The following DAAM2 variants were observed in gnomAD, a reference collection of about 807,000 sequenced individuals.
The protein encoded by DAAM2 is disheveled-associated activator of morphogenesis 2.
Under a neutral mutation model 120.7 loss-of-function variants are expected in DAAM2, and 39 were observed. The observed-to-expected ratio is 0.32, with a 90% confidence interval of 0.25 to 0.42. The LOEUF (loss-of-function observed/expected upper bound fraction) is 0.42. Among genes scored for constraint, DAAM2 ranks in the 10% least tolerant of loss-of-function variants. The probability of loss-of-function intolerance (pLI) is 1.00; values close to 1 mark genes in which losing one functional copy is unlikely to be tolerated. For missense variants in DAAM2, 1,283 were observed against 1,401.7 expected (o/e 0.92, Z 1.35); for synonymous variants, 488 against 524.9 (o/e 0.93, Z 0.96).
chr6:39,794,826 T>C (rs1484325921), intron 1 of DAAM2, among the ~76,000 whole-genome samples: 1 of 152,214 alleles, frequency 6.6e-6, no homozygotes, highest in Non-Finnish European at 1.5e-5. Context: ...CTAGAGCCAA[T>C]GGAAGTAACA....
chr6:39,834,453 C>G (rs1763029268), intron 1 of DAAM2, among the ~76,000 whole-genome samples: 1 of 152,152 alleles, frequency 6.6e-6, no homozygotes, highest in Admixed American at 6.5e-5. Context: ...GCAGTAGCTC[C>G]TGTTCGCCGA....
intron 5 of DAAM2, among the ~76,000 whole-genome samples, chr6:39,866,932 T>C (rs1764455953): frequency 6.6e-6 from 1 of 152,260 alleles, no homozygotes; most frequent in Non-Finnish European, 1.5e-5. Context: ...AATGTAATTT[T>C]CTTTTCCCAC....
In DAAM2 at chr6:39,887,639, G is replaced by T. The variant is rs370569328; in HGVS notation, c.2060+47G>T. 4.8e-5 allele frequency: 66 copies of T among 1,374,962 alleles called. No homozygotes were observed. In the East Asian group the frequency reaches 5.2e-4, roughly 11 times the overall value. The allele number at this position is 1,374,962 out of a possible 1,614,324, so 85.2% of individuals were successfully genotyped here. A position where few individuals can be genotyped will look rare whatever the true frequency, so the allele number is the denominator to read the frequency against. ...TGAGTTGGATGCCTGGGGGACAAAG[G>T]GGGTGGAGGAACGGAGTGGTGGCAG... On this transcript the variant is annotated intron_variant, in intron 16 of 24. Coordinates refer to ENST00000274867, the MANE Select transcript of DAAM2 (RefSeq NM_001201427.2).
chr6:39,866,544 T>C (rs1350834324), intron 5 of DAAM2, among the ~76,000 whole-genome samples: 1 of 152,222 alleles, frequency 6.6e-6, no homozygotes, highest in African/African-American at 2.4e-5. Context: ...GGGCATGCCA[T>C]GGACATCCGG....
rs751116202 is a variant in DAAM2 at position 39,867,715 on chromosome 6, A to G, written c.634A>G (p.Asn212Asp). The change falls in exon 6 of 25, where the codon AAC becomes GAC. Residue 212 changes from asparagine to aspartate, a missense_variant. Asn to Asp is a conservative substitution (Grantham distance 23). Around this residue, in one of 3 missense-constraint regions of DAAM2, gnomAD observed 338 missense variants for 443.9 expected, o/e 0.76. Transcript: ENST00000274867. ...CATAGCCCAGAGCCTACGCACAGAGAACAGCAAGACCAAGGTGGCTGTGCT... is the reference window on the plus strand; with the variant it reads ...CATAGCCCAGAGCCTACGCACAGAGGACAGCAAGACCAAGGTGGCTGTGCT... The part of the protein sequence containing the change: ...STIAQSLRTE[N>D]SKTKVAVLEI... 1 of 1,614,048 alleles carries G rather than the reference A, an allele frequency of 6.2e-7. No homozygotes were observed. Among genetic ancestry groups the G allele is most frequent in the South Asian group, 1.1e-5 (1 of 91,080 alleles).
chr6:39,878,003 C>T lies in DAAM2; in HGVS notation c.1302-200C>T, dbSNP rs1411409791. 2.6e-5 allele frequency among the ~76,000 whole-genome samples: 4 copies of T among 152,198 alleles called. No homozygotes were observed. The highest frequency in any genetic ancestry group is 2.1e-4 in the South Asian group (1 of 4,826). ...GGGTATCTAAAGGTCTTTTCTCTCA[C>T]GGTCTCCACAGACACATAATGTGAA... On this transcript the variant is annotated intron_variant, in intron 11 of 24. Coordinates refer to ENST00000274867, the MANE Select transcript of DAAM2 (RefSeq NM_001201427.2). This position sits in a 1 kb window ranked among gnomAD's most constrained non-coding sequence, Gnocchi z 5.0.
At chr6:39,838,394 C>T (rs149815934) in intron 1 of DAAM2, among the ~76,000 whole-genome samples, 52 of 152,298 alleles carry the variant, frequency 3.4e-4, no homozygotes, top group Admixed American at 9.2e-4. Flanking sequence ...GATGCTGATG[C>T]TGCTGGCCCA....
chr6:39,847,698 A>C (rs921144256), intron 1 of DAAM2, among the ~76,000 whole-genome samples: 1 of 151,490 alleles, frequency 6.6e-6, no homozygotes, highest in African/African-American at 2.4e-5. Context: ...CTTCCTCTCT[A>C]TTCTTGGCGG....
At chr6:39,842,220 G>A (rs1333328791) in intron 1 of DAAM2, among the ~76,000 whole-genome samples, 1 of 152,184 alleles carries the variant, frequency 6.6e-6, no homozygotes, top group African/African-American at 2.4e-5. Context: ...GCTGTTAGAT[G>A]TCGTTCCTTT....
chr6:39,868,518 G>C, intron 6 of DAAM2: 1 of 363,652 alleles, frequency 2.7e-6, no homozygotes, highest in Non-Finnish European at 5.1e-6. Flanking sequence ...GAATACATAT[G>C]AGCTGTAAAC....
At chr6:39,854,609 T>C (rs867701175) in intron 1 of DAAM2, among the ~76,000 whole-genome samples, 1 of 152,196 alleles carries the variant, frequency 6.6e-6, no homozygotes, top group African/African-American at 2.4e-5. Context: ...TTATACTAAA[T>C]TATTAGCTAG....
Position 39,896,971 on chromosome 6 carries a change from G to T in DAAM2, c.2501G>T (p.Ser834Ile), listed in dbSNP as rs774311764. Reference sequence around the variant, plus strand: ...AACAAGATCGCTGACACCAAGTCCAGCATCGACAGGTGAGGACCTCCCTTC... The same window carrying T: ...AACAAGATCGCTGACACCAAGTCCATCATCGACAGGTGAGGACCTCCCTTC... ...SLNKIADTKS[S>I]IDRNISLLHY... The change falls in exon 20 of 25, where the codon AGC becomes ATC. Residue 834 changes from serine (S) to isoleucine (I), a missense_variant. This residue lies in a region of DAAM2 where 748 missense variants were observed against 768.6 expected (regional missense o/e 0.97). Coordinates refer to ENST00000274867, the MANE Select transcript of DAAM2 (RefSeq NM_001201427.2). The T allele has an allele frequency of 2.5e-6, 4 of 1,608,322 alleles. No homozygotes were observed. In the South Asian group the frequency reaches 3.3e-5, roughly 13 times the overall value.
In DAAM2 at chr6:39,895,218, C is replaced by CTTTATTTATTTA. The variant is rs1243055930; in HGVS notation, c.2342-1586_2342-1585insTTTATTTATTTA. 3.3e-4 allele frequency among the ~76,000 whole-genome samples: 30 copies of CTTTATTTATTTA among 90,432 alleles called. No individual in the cohort carries two copies. In the East Asian group the frequency reaches 4.7e-3, roughly 14 times the overall value. The allele number at this position is 90,432 out of a possible 152,430, so 59.3% of individuals were successfully genotyped here. ...CAAACCTTACTATTCATTTTTACAA[C>CTTTATTTATTTA]TTTATTTACTTATTTATTTATTTAT... On this transcript the variant is annotated intron_variant, in intron 19 of 24. Coordinates refer to ENST00000274867, the MANE Select transcript of DAAM2 (RefSeq NM_001201427.2).
chr6:39,835,459 A>T (rs1240914365), intron 1 of DAAM2, among the ~76,000 whole-genome samples: 5 of 152,128 alleles, frequency 3.3e-5, no homozygotes, highest in African/African-American at 1.2e-4. Context: ...TTTTTTCCTT[A>T]TGACAATGTG....
chr6:39,875,536 C>T, intron 11 of DAAM2, 68 bp downstream of exon 11: 2 of 1,546,676 alleles, frequency 1.3e-6, no homozygotes, highest in African/African-American at 1.4e-5. Context: ...TCTGGTCTCA[C>T]CAGCGAAACC....
chr6:39,802,364 G>A (rs952832596), intron 1 of DAAM2, among the ~76,000 whole-genome samples: 1 of 152,204 alleles, frequency 6.6e-6, no homozygotes, highest in African/African-American at 2.4e-5. Context: ...CCTTGCACAA[G>A]TTACTTTATC....
chr6:39,889,872 A>C (rs549776862), intron 17 of DAAM2, among the ~76,000 whole-genome samples: 1 of 152,378 alleles, frequency 6.6e-6, no homozygotes, highest in African/African-American at 2.4e-5. Context: ...TCATGCCTGT[A>C]ATCCCAGCAC....
chr6:39,873,123 G>C, intron 9 of DAAM2, 115 bp from the exon 10 acceptor site: 1 of 688,102 alleles, frequency 1.5e-6, no homozygotes, highest in East Asian at 2.7e-5. Flanking sequence ...CCAGAGGCAG[G>C]GGAAGAAAAC....
chr6:39,808,584 C>A (rs1928191), intron 1 of DAAM2, among the ~76,000 whole-genome samples: 117,953 of 152,222 alleles, frequency 0.77, 46,838 homozygotes, highest in South Asian at 0.87. Flanking sequence ...ATGCTGACTT[C>A]TTCTCTGGTG....
Sources: gnomAD v4.1 joint callset for allele counts (sites outside exome capture counted in the v4.1 genomes callset) on GRCh38, gnomAD v4.1.1 for gene constraint, gnomAD v4.1.1 regional missense constraint, Gnocchi (gnomAD v3.1) non-coding constraint, MANE v1.5 for transcripts, NCBI Gene and HGNC (gene_info 2026-07-23, HGNC 2026-07-21) for gene names.